RIMS2: variants seen among roughly 807,000 people sequenced by gnomAD.
RIMS2 encodes the protein regulating synaptic membrane exocytosis protein 2.
RIMS2 carries 59 observed loss-of-function variants against 174.4 expected under a neutral mutation model. The ratio of observed to expected loss-of-function variants is 0.34; its 90% CI spans 0.27 to 0.42. The LOEUF is 0.42. Ranked by LOEUF, RIMS2 falls within the 10% of genes least tolerant of loss-of-function variation. RIMS2 has a pLI of 1.00. For missense variants in RIMS2, 1,620 were observed against 1,666.3 expected (o/e 0.97, Z 0.48); for synonymous variants, 606 against 572.5 (o/e 1.06, Z -0.84).
chr8:103,690,944 T>C (rs1012791944), intron 1 of RIMS2, among the ~76,000 whole-genome samples: 2 of 152,196 alleles, frequency 1.3e-5, no homozygotes, highest in African/African-American at 4.8e-5. Context: ...GATTCCTTTA[T>C]GTTTGAAGGA....
downstream of RIMS2, chr8:104,254,502 T>C (rs2099365445): frequency 6.6e-6 from 1 of 152,234 alleles, no homozygotes; most frequent in Non-Finnish European, 1.5e-5. Context: ...CCTGAACTCA[T>C]GTGTCATTTA....
intron 17 of RIMS2, among the ~76,000 whole-genome samples, chr8:103,990,701 G>C (rs1292072408): frequency 6.6e-6 from 1 of 151,874 alleles, no homozygotes; most frequent in Non-Finnish European, 1.5e-5. Flanking sequence ...ATTGTTTCTG[G>C]AAATTATTTA....
chr8:103,522,498 G>T (rs1832204388), intron 1 of RIMS2, among the ~76,000 whole-genome samples: 1 of 152,060 alleles, frequency 6.6e-6, no homozygotes, highest in Non-Finnish European at 1.5e-5. Context: ...CTATTTATCT[G>T]CCCAAGTTTG....
chr8:103,937,494 A>T (rs1311205286), intron 13 of RIMS2, among the ~76,000 whole-genome samples: 1 of 152,222 alleles, frequency 6.6e-6, no homozygotes, highest in Non-Finnish European at 1.5e-5. Flanking sequence ...AAGGAGTGTT[A>T]CTTACTTCAA....
intron 9 of RIMS2, among the ~76,000 whole-genome samples, chr8:103,920,546 C>T (rs1380910414): frequency 6.6e-6 from 1 of 152,150 alleles, no homozygotes; most frequent in Non-Finnish European, 1.5e-5. Flanking sequence ...TACCACTCTA[C>T]AGGTTAATTT....
At chr8:103,734,731 G>A (rs999932769) in intron 2 of RIMS2, among the ~76,000 whole-genome samples, 6 of 151,948 alleles carry the variant, frequency 3.9e-5, no homozygotes, top group African/African-American at 4.8e-5. Context: ...TGTCTGAAGC[G>A]TTCCTCAGAT....
chr8:103,835,915 T>C lies in RIMS2; in HGVS notation c.699-49383T>C, dbSNP rs115274660. Among the ~76,000 whole-genome samples, 1,028 of 152,330 alleles carry C rather than the reference T, an allele frequency of 6.7e-3. 7 individuals are homozygous for C. Among genetic ancestry groups the C allele is most frequent in the African/African-American group, 0.023 (975 of 41,572 alleles). Reference sequence around the variant, plus strand: ...TCTAGATTCTAATGACTATTGGTAATGACAAAACATGAGCAAGATGTGCAA... The same window carrying C: ...TCTAGATTCTAATGACTATTGGTAACGACAAAACATGAGCAAGATGTGCAA... On this transcript the variant is annotated intron_variant, in intron 3 of 23. Transcript: ENST00000504942.
At chr8:104,188,035 G>A (rs1433206497) in intron 19 of RIMS2, among the ~76,000 whole-genome samples, 1 of 151,710 alleles carries the variant, frequency 6.6e-6, no homozygotes, top group East Asian at 1.9e-4. Flanking sequence ...ATATAACATA[G>A]GAGATGTAGA....
chr8:104,073,707 G>A (rs1159722103), intron 19 of RIMS2, among the ~76,000 whole-genome samples: 5 of 152,040 alleles, frequency 3.3e-5, no homozygotes, highest in Non-Finnish European at 7.4e-5. Flanking sequence ...TAAAATAAAG[G>A]AAAAGAAAGT....
intron 1 of RIMS2, among the ~76,000 whole-genome samples, chr8:103,607,880 G>T (rs943651199): frequency 2.4e-4 from 32 of 134,610 alleles, no homozygotes; most frequent in Admixed American, 2.0e-3. Flanking sequence ...CTCTGTATTG[G>T]TTATTCTAGT....
intron 19 of RIMS2, among the ~76,000 whole-genome samples, chr8:104,172,820 T>TA (rs1181521948): frequency 6.6e-6 from 1 of 152,214 alleles, no homozygotes; most frequent in African/African-American, 2.4e-5. Flanking sequence ...TGGATAATTT[T>TA]AAAATCTCAA....
chr8:103,530,507 A>T (rs957909712), intron 1 of RIMS2, among the ~76,000 whole-genome samples: 1 of 152,126 alleles, frequency 6.6e-6, no homozygotes, highest in African/African-American at 2.4e-5. Flanking sequence ...AGATGTGTCT[A>T]AAATCTCTTT....
At chr8:104,191,928 A>G (rs2098999924) in intron 19 of RIMS2, among the ~76,000 whole-genome samples, 1 of 152,274 alleles carries the variant, frequency 6.6e-6, no homozygotes, top group South Asian at 2.1e-4. Context: ...TAAGTAAATT[A>G]TCTTATGCCC....
At chr8:104,128,798 C>A (rs2098451601) in intron 19 of RIMS2, among the ~76,000 whole-genome samples, 1 of 152,192 alleles carries the variant, frequency 6.6e-6, no homozygotes, top group African/African-American at 2.4e-5. Flanking sequence ...TTTTTGTTTT[C>A]TTCAGTATGC....
intron 1 of RIMS2, among the ~76,000 whole-genome samples, chr8:103,573,961 A>G (rs952031024): frequency 1.3e-5 from 2 of 152,180 alleles, no homozygotes; most frequent in African/African-American, 4.8e-5. Flanking sequence ...GGGCAAAAAC[A>G]AAGGTTTTTA....
intron 3 of RIMS2, among the ~76,000 whole-genome samples, chr8:103,807,088 G>A (rs1564707207): frequency 6.6e-6 from 1 of 152,056 alleles, no homozygotes; most frequent in Non-Finnish European, 1.5e-5. Flanking sequence ...TGGGACCTAA[G>A]TCACCGGGAA....
intron 19 of RIMS2, among the ~76,000 whole-genome samples, chr8:104,142,638 T>C (rs2098594895): frequency 6.6e-6 from 1 of 152,212 alleles, no homozygotes; most frequent in East Asian, 1.9e-4. Context: ...AGCAGTGACC[T>C]ACCTTGTGAC....
chr8:104,118,370 GTT>G (rs113018786), intron 19 of RIMS2, among the ~76,000 whole-genome samples: 2 of 136,480 alleles, frequency 1.5e-5, no homozygotes, highest in Non-Finnish European at 1.6e-5. Context: ...TTGTTTTTTT[GTT>G]TTTTTTTTTT....
chr8:104,074,854 A>G (rs910398353), intron 19 of RIMS2, among the ~76,000 whole-genome samples: 1 of 152,046 alleles, frequency 6.6e-6, no homozygotes. Flanking sequence ...TCAAAGAAAT[A>G]CTCATTAATA....
Sources: allele counts gnomAD v4.1 joint callset (sites outside exome capture counted in the v4.1 genomes callset), GRCh38; gene constraint gnomAD v4.1.1; transcripts MANE v1.5; gene names NCBI Gene and HGNC (gene_info 2026-07-23, HGNC 2026-07-21).